Variants in COMMD1 observed in about 807,000 individuals in gnomAD.
COMMD1 encodes COMM domain-containing protein 1.
Under a neutral mutation model 17.2 loss-of-function variants are expected in COMMD1, and 10 were observed. The ratio of observed to expected loss-of-function variants is 0.58; its 90% CI spans 0.36 to 0.99. The LOEUF (loss-of-function observed/expected upper bound fraction) is 0.99. Among genes scored for constraint, COMMD1 ranks in the 50% least tolerant of loss-of-function variants. The pLI, the probability that COMMD1 is intolerant of heterozygous loss-of-function variation, is 0.01. For missense variants in COMMD1, 270 were observed against 231.8 expected (o/e 1.17, Z -1.07); for synonymous variants, 97 against 91.6 (o/e 1.06, Z -0.34).
intron 2 of COMMD1, among the ~76,000 whole-genome samples, chr2:62,040,096 T>A (rs1670147681): frequency 6.6e-6 from 1 of 152,002 alleles, no homozygotes; most frequent in Non-Finnish European, 1.5e-5. Context: ...CTACAAAAAT[T>A]ACAATAATTA....
chr2:62,096,101 A>G (rs910028006), intron 2 of COMMD1, among the ~76,000 whole-genome samples: 4 of 152,038 alleles, frequency 2.6e-5, no homozygotes, highest in African/African-American at 4.8e-5. Flanking sequence ...CAAAGCAACT[A>G]ACTTTCTCCT....
At chr2:62,125,865 T>C (rs1216659296) in intron 2 of COMMD1, among the ~76,000 whole-genome samples, 1 of 152,204 alleles carries the variant, frequency 6.6e-6, no homozygotes, top group Non-Finnish European at 1.5e-5. Flanking sequence ...TATCAAACCA[T>C]CACCTACATA....
chr2:61,904,054 G>A (rs1669715701), upstream of COMMD1, among the ~76,000 whole-genome samples: 1 of 151,788 alleles, frequency 6.6e-6, no homozygotes, highest in South Asian at 2.1e-4. Context: ...TTTCACCCAG[G>A]CGACAGAGTG....
At chr2:62,125,924 C>T (rs1048522233) in intron 2 of COMMD1, among the ~76,000 whole-genome samples, 1 of 152,130 alleles carries the variant, frequency 6.6e-6, no homozygotes, top group Admixed American at 6.5e-5. Flanking sequence ...TCCTTCCCCC[C>T]ACTTCACCCC....
At chr2:61,935,438 G>A (rs1454029743) in intron 1 of COMMD1, among the ~76,000 whole-genome samples, 24 of 152,136 alleles carry the variant, frequency 1.6e-4, no homozygotes. Flanking sequence ...AGACCAGCCT[G>A]GCCAACATGG....
chr2:61,963,257 A>G (rs1001068527), intron 1 of COMMD1, among the ~76,000 whole-genome samples: 15 of 151,656 alleles, frequency 9.9e-5, no homozygotes, highest in Admixed American at 6.6e-4. Context: ...ACACATATAT[A>G]TTTGTAAGTA....
At chr2:62,094,093 A>T (rs767653224) in intron 2 of COMMD1, among the ~76,000 whole-genome samples, 1 of 152,084 alleles carries the variant, frequency 6.6e-6, no homozygotes, top group Non-Finnish European at 1.5e-5. Flanking sequence ...AGTTTCCTGT[A>T]ATTTTTCCCT....
At chr2:62,087,772 A>C (rs1042293895) in intron 2 of COMMD1, among the ~76,000 whole-genome samples, 2 of 152,188 alleles carry the variant, frequency 1.3e-5, no homozygotes, top group African/African-American at 4.8e-5. Flanking sequence ...ACCTTGATAA[A>C]TTTCATAAAA....
At chr2:62,133,809 ATTTATGGC>A (rs1452571056) in intron 2 of COMMD1, among the ~76,000 whole-genome samples, 1 of 151,940 alleles carries the variant, frequency 6.6e-6, no homozygotes, top group Admixed American at 6.6e-5. Context: ...CCAGAGAGGG[ATTTATGGC>A]AGTTCTCACC....
At chr2:62,098,967 C>T (rs1333583469) in intron 2 of COMMD1, among the ~76,000 whole-genome samples, 5 of 152,264 alleles carry the variant, frequency 3.3e-5, no homozygotes, top group African/African-American at 1.2e-4. Context: ...ATCCAGGTAC[C>T]AGGGCCTTTA....
intron 2 of COMMD1, among the ~76,000 whole-genome samples, chr2:62,049,990 G>A (rs1336352044): frequency 2.0e-5 from 3 of 152,150 alleles, no homozygotes; most frequent in Non-Finnish European, 4.4e-5. Flanking sequence ...GATCAGTTTG[G>A]ACTGACATAC....
At chr2:62,001,294 G>A (rs190590846) in intron 2 of COMMD1, among the ~76,000 whole-genome samples, 1 of 152,068 alleles carries the variant, frequency 6.6e-6, no homozygotes, top group Non-Finnish European at 1.5e-5. Context: ...GAATTTCCAA[G>A]GCAATGATAG....
chr2:62,077,090 C>T (rs888417720), intron 2 of COMMD1, among the ~76,000 whole-genome samples: 5 of 152,078 alleles, frequency 3.3e-5, no homozygotes, highest in Non-Finnish European at 5.9e-5. Flanking sequence ...ATGATTGCAC[C>T]ACTGCCCTCC....
At chr2:62,109,366 A>G (rs1404980911) in intron 2 of COMMD1, among the ~76,000 whole-genome samples, 1 of 152,196 alleles carries the variant, frequency 6.6e-6, no homozygotes, top group Non-Finnish European at 1.5e-5. Context: ...CAGCTAATAT[A>G]CAGGAGCAGG....
chr2:61,917,559 G>C (rs1443847808), intron 1 of COMMD1, among the ~76,000 whole-genome samples: 1 of 151,272 alleles, frequency 6.6e-6, no homozygotes, highest in Admixed American at 6.6e-5. Flanking sequence ...ACGGAGTCTC[G>C]CTGTGTCTCC....
intron 2 of COMMD1, among the ~76,000 whole-genome samples, chr2:62,025,238 TA>T (rs1034767065): frequency 6.9e-5 from 9 of 129,854 alleles, no homozygotes; most frequent in South Asian, 2.5e-4. Flanking sequence ...AACAAACAAA[TA>T]AAAAAAAACC....
intron 1 of COMMD1, among the ~76,000 whole-genome samples, chr2:61,912,207 C>A (rs764684616): frequency 1.3e-5 from 2 of 151,992 alleles, no homozygotes; most frequent in Non-Finnish European, 2.9e-5. Flanking sequence ...CTTCTTTATT[C>A]CTTATACCTA....
chr2:61,888,507 T>A, upstream of COMMD1: 4 of 1,611,510 alleles, frequency 2.5e-6, no homozygotes, highest in Non-Finnish European at 3.4e-6. Context: ...TTCTCGGGCA[T>A]GGCAAACTCC....
At chr2:61,940,161 G>A (rs1670705543) in intron 1 of COMMD1, among the ~76,000 whole-genome samples, 1 of 152,112 alleles carries the variant, frequency 6.6e-6, no homozygotes, top group African/African-American at 2.4e-5. Flanking sequence ...CTACAAAGTG[G>A]AGGATTTGTC....
Sources: gnomAD v4.1 joint callset for allele counts (sites outside exome capture counted in the v4.1 genomes callset) on GRCh38, gnomAD v4.1.1 for gene constraint, MANE v1.5 for transcripts, NCBI Gene and HGNC (gene_info 2026-07-23, HGNC 2026-07-21) for gene names.